The following ACBD6 variants were observed in gnomAD, a reference collection of about 807,000 sequenced individuals.
The protein encoded by ACBD6 is acyl-CoA-binding domain-containing protein 6.
In ACBD6, 28 loss-of-function variants were observed where a neutral mutation model predicts 37.2. The observed-to-expected ratio is 0.75, with a 90% CI of 0.56 to 1.03. ACBD6 has a LOEUF of 1.03. Ranked by LOEUF, ACBD6 falls within the 50% of genes least tolerant of loss-of-function variation. The pLI is 0.00. For synonymous variants in ACBD6, 113 were observed against 126.8 expected, an observed-to-expected ratio of 0.89 and a Z score of 0.73; for missense variants, 340 against 337.4, an observed-to-expected ratio of 1.01 and a Z score of -0.06.
chr1:180,456,056 C>CA (rs1309311429), intron 3 of ACBD6, among the ~76,000 whole-genome samples: 2 of 151,840 alleles, frequency 1.3e-5, no homozygotes, highest in East Asian at 3.9e-4. Context: ...ACTAAAAATA[C>CA]AAAAAATTAA....
intron 3 of ACBD6, among the ~76,000 whole-genome samples, chr1:180,461,447 C>T (rs10914001): frequency 0.49 from 73,882 of 151,966 alleles, 20,789 homozygotes; most frequent in South Asian, 0.66. Context: ...AAGATCATCT[C>T]CAAGACACAT....
In ACBD6 at chr1:180,456,472, G is replaced by A. The variant is rs185902684; in HGVS notation, c.385-26210C>T. On this transcript the variant is annotated intron_variant, in intron 3 of 7. Coordinates refer to ENST00000367595, the MANE Select transcript of ACBD6 (RefSeq NM_032360.4). ...TTGCTCTGGTATTTTATTGAGGATC[G>A]GCTCAAAGAGGATCCATAGCAAACT... Among the ~76,000 whole-genome samples, 362 of 152,140 alleles carry A rather than the reference G, an allele frequency of 2.4e-3. 1 individual carries two copies. Among genetic ancestry groups the A allele is most frequent in the Non-Finnish European group, 4.1e-3 (281 of 67,998 alleles).
intron 6 of ACBD6, among the ~76,000 whole-genome samples, chr1:180,379,243 T>C (rs569134739): frequency 6.6e-6 from 1 of 152,112 alleles, no homozygotes; most frequent in Non-Finnish European, 1.5e-5. Flanking sequence ...GATATATCTG[T>C]AGGAAAAAGT....
intron 3 of ACBD6, among the ~76,000 whole-genome samples, chr1:180,467,619 G>A (rs538897059): frequency 1.4e-4 from 22 of 151,984 alleles, no homozygotes; most frequent in African/African-American, 3.9e-4. Flanking sequence ...CTACTGCACC[G>A]CAGCTGGGTG....
At chr1:180,350,716 A>G (rs890090001) in intron 6 of ACBD6, among the ~76,000 whole-genome samples, 3 of 152,200 alleles carry the variant, frequency 2.0e-5, no homozygotes, top group African/African-American at 7.2e-5. Context: ...ACAGTACAAG[A>G]TAGGCCACAA....
downstream of ACBD6, among the ~76,000 whole-genome samples, chr1:180,286,244 T>C (rs1649493361): frequency 6.6e-6 from 1 of 152,180 alleles, no homozygotes; most frequent in Non-Finnish European, 1.5e-5. Flanking sequence ...CTGTTTTTAG[T>C]GATAGCTTTG....
intron 4 of ACBD6, among the ~76,000 whole-genome samples, chr1:180,417,669 A>G (rs1648154034): frequency 6.6e-6 from 1 of 151,800 alleles, no homozygotes; most frequent in Admixed American, 6.6e-5. Context: ...TATTATTCCT[A>G]CTCTGTTTCT....
intron 3 of ACBD6, among the ~76,000 whole-genome samples, chr1:180,437,112 A>C (rs1255429132): frequency 2.0e-5 from 3 of 152,170 alleles, no homozygotes; most frequent in African/African-American, 7.2e-5. Context: ...ATCTCTTCAA[A>C]TACTTTGCAG....
At chr1:180,403,529 A>C (rs1200401511) in intron 5 of ACBD6, among the ~76,000 whole-genome samples, 2 of 152,210 alleles carry the variant, frequency 1.3e-5, no homozygotes, top group African/African-American at 4.8e-5. Context: ...GAGATGGTAG[A>C]AATACGGATG....
intron 7 of ACBD6, among the ~76,000 whole-genome samples, chr1:180,307,092 T>C (rs183567415): frequency 6.6e-6 from 1 of 152,272 alleles, no homozygotes; most frequent in Non-Finnish European, 1.5e-5. Context: ...TAGCCAAGAT[T>C]TGGAAGCAAC....
intron 7 of ACBD6, among the ~76,000 whole-genome samples, chr1:180,291,772 G>C (rs1310795414): frequency 6.6e-6 from 1 of 151,880 alleles, no homozygotes; most frequent in Non-Finnish European, 1.5e-5. Flanking sequence ...CCTACACCAA[G>C]ATCACAAAGA....
At chr1:180,445,077 T>A (rs1339119317) in intron 3 of ACBD6, among the ~76,000 whole-genome samples, 3 of 152,216 alleles carry the variant, frequency 2.0e-5, no homozygotes, top group Non-Finnish European at 4.4e-5. Context: ...AGTTTCCTCA[T>A]TTGTAAAAAT....
In ACBD6 at chr1:180,411,835, T is replaced by C. The variant is rs567250308; in HGVS notation, c.573+1531A>G. 5.3e-5 allele frequency among the ~76,000 whole-genome samples: 8 copies of C among 151,442 alleles called. No individual in the cohort carries two copies. In the East Asian group the frequency reaches 1.4e-3, roughly 26 times the overall value. On this transcript the variant is annotated intron_variant, in intron 5 of 7. Coordinates refer to ENST00000367595, the MANE Select transcript of ACBD6 (RefSeq NM_032360.4). ...GGCACCCACCACCACGCCTGGCTAA[T>C]TTTTTTTTGTATTTTTAGTAGAGAT...
chr1:180,313,630 C>G (rs1191633707), intron 7 of ACBD6, among the ~76,000 whole-genome samples: 1 of 152,156 alleles, frequency 6.6e-6, no homozygotes, highest in Non-Finnish European at 1.5e-5. Flanking sequence ...GTATTCCTTC[C>G]CAAAAGGTTG....
intron 6 of ACBD6, among the ~76,000 whole-genome samples, chr1:180,381,115 A>C (rs1653630650): frequency 6.6e-6 from 1 of 152,212 alleles, no homozygotes; most frequent in Admixed American, 6.5e-5. Flanking sequence ...CAGTAAAAAG[A>C]GACAATGAAG....
At chr1:180,280,041 G>GT (rs1237291068) in intron 9 of ACBD6, among the ~76,000 whole-genome samples, 2 of 152,126 alleles carry the variant, frequency 1.3e-5, no homozygotes, top group Non-Finnish European at 2.9e-5. Context: ...TAAAAGTTTA[G>GT]TTCCTTACAC....
intron 5 of ACBD6, among the ~76,000 whole-genome samples, chr1:180,402,619 T>C (rs573411231): frequency 2.2e-4 from 34 of 152,162 alleles, no homozygotes; most frequent in African/African-American, 7.9e-4. Context: ...CTGGGGAACA[T>C]GGTGAAACCC....
At chr1:180,272,473 CT>C (rs1291775742) in intron 13 of ACBD6, 3 of 160,636 alleles carry the variant, frequency 1.9e-5, no homozygotes, top group Admixed American at 5.8e-5. Flanking sequence ...GAAATCAGTA[CT>C]GTGAGTGCAT....
chr1:180,360,215 T>C (rs910104008), intron 6 of ACBD6, among the ~76,000 whole-genome samples: 4 of 152,236 alleles, frequency 2.6e-5, no homozygotes, highest in African/African-American at 9.6e-5. Flanking sequence ...CTTCATGTTA[T>C]TTCCCCCCTT....
Sources: gnomAD v4.1 joint callset for allele counts (sites outside exome capture counted in the v4.1 genomes callset) on GRCh38, gnomAD v4.1.1 for gene constraint, MANE v1.5 for transcripts, NCBI Gene and HGNC (gene_info 2026-07-23, HGNC 2026-07-21) for gene names.